Variants in ATP6V1C2 observed in about 807,000 individuals in gnomAD.
ATP6V1C2 encodes V-type proton ATPase subunit C 2.
A neutral mutation model predicts 56.8 loss-of-function variants in ATP6V1C2; 45 were observed. The observed-to-expected ratio is 0.79, with a 90% CI of 0.62 to 1.02. The LOEUF (loss-of-function observed/expected upper bound fraction) is 1.02, where lower values mean the gene tolerates loss of function less well. Ranked by LOEUF, ATP6V1C2 falls within the 50% of genes least tolerant of loss-of-function variation. The pLI is 0.00. For missense variants in ATP6V1C2, 463 were observed against 519.7 expected (o/e 0.89, Z 1.06); for synonymous variants, 220 against 201.3 (o/e 1.09, Z -0.79).
intron 4 of ATP6V1C2, among the ~76,000 whole-genome samples, chr2:10,762,533 G>A (rs1057281205): frequency 2.0e-5 from 3 of 152,124 alleles, no homozygotes; most frequent in African/African-American, 4.8e-5. Flanking sequence ...TGTCACCGTC[G>A]TCGTCCTGTT....
chr2:10,723,310 C>T (rs1661460911), intron 2 of ATP6V1C2, among the ~76,000 whole-genome samples: 1 of 152,180 alleles, frequency 6.6e-6, no homozygotes, highest in Non-Finnish European at 1.5e-5. Flanking sequence ...CCTCTGGCTC[C>T]TCCTGGTTTG....
chr2:10,738,465 C>T (rs559753762), intron 3 of ATP6V1C2, among the ~76,000 whole-genome samples: 5 of 152,238 alleles, frequency 3.3e-5, no homozygotes, highest in South Asian at 2.1e-4. Flanking sequence ...TGTGAAATCC[C>T]GAAATCATTC....
At position 10,758,742 on chromosome 2, in the gene ATP6V1C2, A is replaced by T. The variant is rs184777967; in HGVS notation, c.283+4676A>T. Among the ~76,000 whole-genome samples, 742 of 150,346 alleles carry T rather than the reference A, an allele frequency of 4.9e-3. 9 individuals are homozygous for T. The highest frequency in any genetic ancestry group is 0.017 in the African/African-American group (704 of 40,722). On this transcript the variant is annotated intron_variant, in intron 4 of 13. Coordinates refer to ENST00000272238, the MANE Select transcript of ATP6V1C2 (RefSeq NM_001039362.2). ...CAGTGGTGGGATCTCGGCACACTGC[A>T]ACCTCTGCCTCCTGGGTTCAAGCAA...
At chr2:10,744,677 T>C (rs1396694029) in intron 3 of ATP6V1C2, among the ~76,000 whole-genome samples, 4 of 148,810 alleles carry the variant, frequency 2.7e-5, no homozygotes, top group Non-Finnish European at 4.5e-5. Flanking sequence ...TTCTTTTTTT[T>C]TTTTTTTTTT....
At chr2:10,772,669 G>A in intron 8 of ATP6V1C2, 59 bp downstream of exon 8, 2 of 1,448,868 alleles carry the variant, frequency 1.4e-6, no homozygotes, top group Non-Finnish European at 1.9e-6. Flanking sequence ...GGTGCTTCAG[G>A]GCACCCAACC....
In ATP6V1C2 at chr2:10,722,965, T is replaced by A; in HGVS notation, c.116T>A (p.Ile39Asn). ...CTGTCTTATAATACCAAATTCGCTA[T>A]TCCTGACTTCAAGGTAAAATTCTTG... ...SNLSYNTKFA[I>N]PDFKVGTLDS... Residue 39 changes from isoleucine to asparagine, a missense_variant, in exon 2 of 14, where the codon ATT becomes AAT. Ile to Asn is a moderately radical substitution (Grantham distance 149, BLOSUM62 -3). Coordinates refer to ENST00000272238, the MANE Select transcript of ATP6V1C2 (RefSeq NM_001039362.2). 6.2e-7 allele frequency: 1 copy of A among 1,614,044 alleles called. No individual in the cohort carries two copies. The highest frequency in any genetic ancestry group is 8.5e-7 in the Non-Finnish European group (1 of 1,179,978).
chr2:10,729,593 C>T (rs566266356), intron 3 of ATP6V1C2, among the ~76,000 whole-genome samples: 2 of 152,246 alleles, frequency 1.3e-5, no homozygotes, highest in African/African-American at 2.4e-5. Context: ...CCGTGGTTCA[C>T]GCTTGTAATC....
In ATP6V1C2 at chr2:10,784,970, G is replaced by C. The variant is rs541210055; in HGVS notation, c.*1707G>C. The stretch of plus-strand genomic sequence containing the variant: ...TGCCGTCCCAAGGCTCTCTCTCAAC[G>C]ATGGTAGGGAAAGCCCCGCCTCCTA... On this transcript the variant is annotated 3_prime_UTR_variant, in exon 14 of 14. Transcript: ENST00000272238. 3.5e-5 allele frequency: 55 copies of C among 1,592,540 alleles called. No homozygotes were observed. Among genetic ancestry groups the C allele is most frequent in the Non-Finnish European group, 3.9e-5 (46 of 1,168,324 alleles).
At chr2:10,729,188 A>G (rs1661824363) in intron 3 of ATP6V1C2, among the ~76,000 whole-genome samples, 1 of 123,896 alleles carries the variant, frequency 8.1e-6, no homozygotes, top group African/African-American at 4.1e-5. Flanking sequence ...TTTTTGAGAT[A>G]GAGTCTCACT....
chr2:10,778,527 G>C (rs1229204877), intron 11 of ATP6V1C2, 45 bp from the exon 12 acceptor site: 1 of 1,575,882 alleles, frequency 6.3e-7, no homozygotes, highest in Admixed American at 1.7e-5. Flanking sequence ...CTCTGTGTCA[G>C]GCGGGGTGTT....
At chr2:10,727,628 G>A (rs1358040644) in intron 3 of ATP6V1C2, among the ~76,000 whole-genome samples, 1 of 152,076 alleles carries the variant, frequency 6.6e-6, no homozygotes, top group Non-Finnish European at 1.5e-5. Context: ...GCCAGGAGTG[G>A]TAGCTCACCC....
chr2:10,763,725 G>A lies in ATP6V1C2; in HGVS notation c.284-606G>A, dbSNP rs185698729. Among the ~76,000 whole-genome samples the A allele has an allele frequency of 4.3e-3, 657 of 152,242 alleles. 3 individuals are homozygous for A. Among genetic ancestry groups the A allele is most frequent in the African/African-American group, 0.015 (622 of 41,540 alleles). On this transcript the variant is annotated intron_variant, in intron 4 of 13. Coordinates refer to ENST00000272238, the MANE Select transcript of ATP6V1C2 (RefSeq NM_001039362.2). The surrounding 1 kb of genome is among the most constrained non-coding windows in gnomAD (Gnocchi z 4.2). Reference sequence around the variant, plus strand: ...CCCAGGTAGCTCTCTTCAAGAGTGTGGAGAACTAACCTGAAGAGAGCAGGC... The same window carrying A: ...CCCAGGTAGCTCTCTTCAAGAGTGTAGAGAACTAACCTGAAGAGAGCAGGC...
intron 8 of ATP6V1C2, among the ~76,000 whole-genome samples, chr2:10,773,434 G>A (rs1196963983): frequency 6.6e-6 from 1 of 152,224 alleles, no homozygotes; most frequent in African/African-American, 2.4e-5. Context: ...CCAGGCTGGA[G>A]TGCAGTGGCC....
At chr2:10,774,319 T>C (rs919455839) in intron 8 of ATP6V1C2, among the ~76,000 whole-genome samples, 5 of 152,228 alleles carry the variant, frequency 3.3e-5, no homozygotes, top group African/African-American at 1.2e-4. Context: ...CCTGAGTTGC[T>C]AGAGACAGTG....
intron 3 of ATP6V1C2, 22 bp downstream of exon 3, chr2:10,726,591 A>G: frequency 6.3e-7 from 1 of 1,591,268 alleles, no homozygotes; most frequent in East Asian, 2.2e-5. Context: ...CTTATTTACT[A>G]CATACAAGTG....
At chr2:10,772,279 C>G (rs999745123) in intron 7 of ATP6V1C2, among the ~76,000 whole-genome samples, 1 of 152,182 alleles carries the variant, frequency 6.6e-6, no homozygotes, top group Admixed American at 6.5e-5. Flanking sequence ...CAAGGTCACA[C>G]GGGGCCCGGA....
In ATP6V1C2 at chr2:10,784,892, A is replaced by G; in HGVS notation, c.*1629A>G. The G allele has an allele frequency of 7.2e-7, 1 of 1,384,232 alleles. No individual in the cohort carries two copies. The highest frequency in any genetic ancestry group is 1.2e-5 in the South Asian group (1 of 80,950). The allele number at this position is 1,384,232 out of a possible 1,614,324, so 85.7% of individuals were successfully genotyped here. On this transcript the variant is annotated 3_prime_UTR_variant, in exon 14 of 14. Transcript: ENST00000272238. ...GAGATGCACAGGCTCAAGAGAGTAAACCAGGACTGCTGCCCGCACAGCTTC... is the reference window on the plus strand; with the variant it reads ...GAGATGCACAGGCTCAAGAGAGTAAGCCAGGACTGCTGCCCGCACAGCTTC...
chr2:10,745,262 T>C (rs1174496423), intron 3 of ATP6V1C2, among the ~76,000 whole-genome samples: 4 of 151,716 alleles, frequency 2.6e-5, no homozygotes, highest in Admixed American at 2.6e-4. Flanking sequence ...CGTCTCAAAC[T>C]CTTGACCTCA....
intron 7 of ATP6V1C2, among the ~76,000 whole-genome samples, chr2:10,772,292 A>T (rs912690499): frequency 2.0e-5 from 3 of 152,160 alleles, no homozygotes; most frequent in African/African-American, 7.2e-5. Context: ...GGCCCGGATT[A>T]GATGGTTATT....
Sources: allele counts gnomAD v4.1 joint callset (sites outside exome capture counted in the v4.1 genomes callset), GRCh38; gene constraint gnomAD v4.1.1; non-coding constraint Gnocchi (gnomAD v3.1); transcripts MANE v1.5; gene names NCBI Gene and HGNC (gene_info 2026-07-23, HGNC 2026-07-21).